LRP1: variants seen among roughly 807,000 people sequenced by gnomAD.
The protein encoded by LRP1 is LDL receptor related protein 1.
In LRP1, 51 loss-of-function variants were observed where a neutral mutation model predicts 541.5. The observed-to-expected ratio is 0.09, with a 90% CI of 0.08 to 0.12. The LOEUF (loss-of-function observed/expected upper bound fraction) is 0.12. Ranked by LOEUF, LRP1 falls within the 10% of genes least tolerant of loss-of-function variation. LRP1 has a pLI of 1.00. For synonymous variants in LRP1, 2,219 were observed against 2,470.8 expected, an observed-to-expected ratio of 0.90 and a Z score of 3.02; for missense variants, 3,878 against 6,376.2, an observed-to-expected ratio of 0.61 and a Z score of 13.34.
In LRP1 at chr12:57,173,748, G is replaced by T; in HGVS notation, c.3347-32G>T. ...GGGCAGGGGGAGCCCCAGTCCCCGG[G>T]CCTGGGCCCTCATAGTGCACCTGTC... On this transcript the variant is annotated intron_variant, in intron 21 of 88. Transcript: ENST00000243077. The surrounding 1 kb of genome is among the most constrained non-coding windows in gnomAD (Gnocchi z 4.7). 1 of 1,611,982 alleles carries T rather than the reference G, an allele frequency of 6.2e-7. No individual in the cohort carries two copies. The highest frequency in any genetic ancestry group is 1.3e-5 in the African/African-American group (1 of 75,014).
intron 20 of LRP1, among the ~76,000 whole-genome samples, chr12:57,172,199 GTC>G (rs2035959671): frequency 6.7e-6 from 1 of 150,310 alleles, no homozygotes; most frequent in South Asian, 2.1e-4. Flanking sequence ...TTGAGATGGA[GTC>G]TCTCTGTCGC....
At chr12:57,151,833 G>T (rs1197160853) in intron 6 of LRP1, among the ~76,000 whole-genome samples, 1 of 152,242 alleles carries the variant, frequency 6.6e-6, no homozygotes, top group Non-Finnish European at 1.5e-5. Flanking sequence ...GTGTGGTGGG[G>T]CAGGCAGAGG....
chr12:57,211,177 G>A lies in LRP1; in HGVS notation c.12918G>A (p.Arg4306=), dbSNP rs1307963673. Reference sequence around the variant, plus strand: ...ACTTCTCTCCCTCCCCAACCACAGGGCAGTGCTCTGGCTACTGTGAGAACT... The same window carrying A: ...ACTTCTCTCCCTCCCCAACCACAGGACAGTGCTCTGGCTACTGTGAGAACT... ...PGFLGDRCQY[R]QCSGYCENFG... The change falls in exon 84 of 89, where the codon CGG becomes CGA. Residue 4306 remains arginine, a splice_region_variant and synonymous_variant. Transcript: ENST00000243077. This position sits in a 1 kb window ranked among gnomAD's most constrained non-coding sequence, Gnocchi z 4.3. 3 of 1,614,096 alleles carry A rather than the reference G, an allele frequency of 1.9e-6. No homozygotes were observed. Among genetic ancestry groups the A allele is most frequent in the East Asian group, 4.5e-5 (2 of 44,888 alleles).
intron 79 of LRP1, 65 bp from the exon 80 acceptor site, chr12:57,209,627 C>T: frequency 1.4e-6 from 2 of 1,405,330 alleles, no homozygotes; most frequent in African/African-American, 1.4e-5. Context: ...GTGCCAGTGT[C>T]GTGGACAGCA....
rs922670055 is a variant in LRP1, at chr12:57,179,102, T to G, written c.4738+81T>G. 1.3e-6 allele frequency: 2 copies of G among 1,540,628 alleles called. No individual in the cohort carries two copies. The highest frequency in any genetic ancestry group is 1.4e-5 in the African/African-American group (1 of 72,588). On this transcript the variant is annotated intron_variant, in intron 28 of 88. Coordinates refer to ENST00000243077, the MANE Select transcript of LRP1 (RefSeq NM_002332.3). This position sits in a 1 kb window ranked among gnomAD's most constrained non-coding sequence, Gnocchi z 6.8. ...AGGCCCCAGGATCCCGGTTGTCAGCTAAGGCAGAGTCCCAGTCGGGAGGGT... is the reference window on the plus strand; with the variant it reads ...AGGCCCCAGGATCCCGGTTGTCAGCGAAGGCAGAGTCCCAGTCGGGAGGGT...
Position 57,180,421 on chromosome 12 carries a change from G to C in LRP1, c.5328G>C (p.Leu1776=). Reference sequence around the variant, plus strand: ...GCTGCAACCTGGATGGGAGTGGGCTGGAGGTCATCGATGCCATGCGGAGCC... The same window carrying C: ...GCTGCAACCTGGATGGGAGTGGGCTCGAGGTCATCGATGCCATGCGGAGCC... ...INRCNLDGSG[L]EVIDAMRSQL... Residue 1776 remains leucine (L), a synonymous_variant, in exon 32 of 89, where the codon CTG becomes CTC. Transcript: ENST00000243077. The C allele has an allele frequency of 6.2e-7, 1 of 1,614,172 alleles. No individual in the cohort carries two copies. Among genetic ancestry groups the C allele is most frequent in the Non-Finnish European group, 8.5e-7 (1 of 1,180,048 alleles).
rs772957583 is a variant in LRP1, at chr12:57,129,000, G to C, written c.36G>C (p.Leu12=). ...LTPPLLLLLP[L]LSALVAAAID... is the part of the protein sequence containing the mutation. ...CGCCGTTGCTCCTGCTGCTGCCCCT[G>C]CTCTCAGCTCTGGTCGCGGCGGCTA... The change falls in exon 1 of 89, where the codon CTG becomes CTC. Residue 12 remains leucine, a synonymous_variant. Transcript: ENST00000243077. The C allele has an allele frequency of 1.3e-6, 2 of 1,551,386 alleles. No homozygotes were observed. Among genetic ancestry groups the C allele is most frequent in the South Asian group, 1.2e-5 (1 of 84,048 alleles).
chr12:57,177,675 G>A lies in LRP1; in HGVS notation c.4361+84G>A. The A allele has an allele frequency of 1.4e-6, 2 of 1,469,764 alleles. No individual in the cohort carries two copies. The highest frequency in any genetic ancestry group is 9.3e-7 in the Non-Finnish European group (1 of 1,071,554). The allele number at this position is 1,469,764 out of a possible 1,614,324, so 91.0% of individuals were successfully genotyped here. On this transcript the variant is annotated intron_variant, in intron 26 of 88. Transcript: ENST00000243077. The surrounding 1 kb of genome is among the most constrained non-coding windows in gnomAD (Gnocchi z 6.8). ...AGGAACCTGTGGTGATGAGGGTGAT[G>A]AGAAGGACCAAGGGATCTAGAACTA... is the stretch of plus-strand genomic sequence containing the variant.
At position 57,198,683 on chromosome 12, in the gene LRP1, G is replaced by A. The variant is rs764619432; in HGVS notation, c.9676+13G>A. On this transcript the variant is annotated intron_variant, in intron 60 of 88. Transcript: ENST00000243077. Reference sequence around the variant, plus strand: ...AATCGCCACGTTGGTCAGTGTGCCAGTGAGGCTGTCCAGGCACAGCAGACT... The same window carrying A: ...AATCGCCACGTTGGTCAGTGTGCCAATGAGGCTGTCCAGGCACAGCAGACT... 2 of 1,598,946 alleles carry A rather than the reference G, an allele frequency of 1.3e-6. No individual in the cohort carries two copies. The highest frequency in any genetic ancestry group is 2.3e-5 in the South Asian group (2 of 88,860).
At chr12:57,146,928 G>A (rs540326166) in intron 6 of LRP1, among the ~76,000 whole-genome samples, 30 of 151,934 alleles carry the variant, frequency 2.0e-4, no homozygotes, top group Non-Finnish European at 2.9e-4. Flanking sequence ...CAGCTTGTCA[G>A]TTTCCTCCCC....
Position 57,209,147 on chromosome 12 carries a change from C to T in LRP1, c.12210C>T (p.Gly4070=). ...CAGACGCCAAGCTTTCAGTCATCGGCAGCATCCGGCTCAATGGCACGGACC... is the reference window on the plus strand; with the variant it reads ...CAGACGCCAAGCTTTCAGTCATCGGTAGCATCCGGCTCAATGGCACGGACC... ...YWADAKLSVI[G]SIRLNGTDPI... is the part of the protein sequence containing the mutation. Residue 4070 remains glycine, a synonymous_variant, in exon 79 of 89, where the codon GGC becomes GGT. Coordinates refer to ENST00000243077, the MANE Select transcript of LRP1 (RefSeq NM_002332.3). 1 of 1,614,164 alleles carries T rather than the reference C, an allele frequency of 6.2e-7. No homozygotes were observed. The highest frequency in any genetic ancestry group is 1.1e-5 in the South Asian group (1 of 91,084).
intron 12 of LRP1, 137 bp downstream of exon 12, chr12:57,160,142 G>T (rs1441060011): frequency 3.9e-6 from 3 of 779,078 alleles, no homozygotes; most frequent in South Asian, 1.8e-5. Context: ...TCTGCAAGGG[G>T]AGAAGGAGTC....
intron 20 of LRP1, among the ~76,000 whole-genome samples, chr12:57,172,887 A>G (rs1415197632): frequency 1.3e-5 from 2 of 152,182 alleles, no homozygotes; most frequent in East Asian, 3.9e-4. Flanking sequence ...GGAGGTGGGC[A>G]TTTGGGCTCA....
In LRP1 at chr12:57,172,062, C is replaced by CT. The variant is rs57732385; in HGVS notation, c.3164-1091dup. On this transcript the variant is annotated intron_variant, in intron 20 of 88. Coordinates refer to ENST00000243077, the MANE Select transcript of LRP1 (RefSeq NM_002332.3). ...CTCCAGCTGTGGCGTTTTCTTTTTT[C>CT]TTTTTTTTTTTTTTTGAGATGGAGT... is the stretch of plus-strand genomic sequence containing the variant. 3.9e-3 allele frequency among the ~76,000 whole-genome samples: 489 copies of CT among 126,794 alleles called. 4 individuals are homozygous for CT. Among genetic ancestry groups the CT allele is most frequent in the African/African-American group, 0.011 (370 of 34,494 alleles). 83.2% of individuals were successfully genotyped at this position (126,794 alleles called of 152,430 possible).
chr12:57,193,052 C>G, intron 45 of LRP1, 82 bp downstream of exon 45: 1 of 1,583,938 alleles, frequency 6.3e-7, no homozygotes, highest in Non-Finnish European at 8.6e-7. Context: ...CATGCTCCAG[C>G]CCAGCCCCCC....
Position 57,162,733 on chromosome 12 carries a change from A to T in LRP1, c.2405-125A>T. 1.7e-6 allele frequency: 2 copies of T among 1,148,346 alleles called. No individual in the cohort carries two copies. The highest frequency in any genetic ancestry group is 2.5e-6 in the Non-Finnish European group (2 of 812,442). The allele number at this position is 1,148,346 out of a possible 1,614,324, so 71.1% of individuals were successfully genotyped here. Reference sequence around the variant, plus strand: ...TCTGTGTCTCCTGTTCTTCAACATGATCTTCTTCCTCTCCATATTTCCTCT... The same window carrying T: ...TCTGTGTCTCCTGTTCTTCAACATGTTCTTCTTCCTCTCCATATTTCCTCT... On this transcript the variant is annotated intron_variant, in intron 14 of 88. Coordinates refer to ENST00000243077, the MANE Select transcript of LRP1 (RefSeq NM_002332.3). This position sits in a 1 kb window ranked among gnomAD's most constrained non-coding sequence, Gnocchi z 5.2.
chr12:57,154,979 A>T lies in LRP1; in HGVS notation c.1227+278A>T. 1.7e-6 allele frequency: 1 copy of T among 592,266 alleles called. No homozygotes were observed. The highest frequency in any genetic ancestry group is 2.8e-5 in the East Asian group (1 of 36,162). 36.7% of individuals were successfully genotyped at this position (592,266 alleles called of 1,614,324 possible). On this transcript the variant is annotated intron_variant, in intron 8 of 88. Coordinates refer to ENST00000243077, the MANE Select transcript of LRP1 (RefSeq NM_002332.3). The surrounding 1 kb of genome is among the most constrained non-coding windows in gnomAD (Gnocchi z 4.6). ...AATAACCCCTAGCTGATGAACAGGG[A>T]GGTGGTTCAGTTCCCTTTCAGCAGA...
chr12:57,132,782 A>C (rs938007184), intron 1 of LRP1, among the ~76,000 whole-genome samples: 1 of 151,772 alleles, frequency 6.6e-6, no homozygotes, highest in African/African-American at 2.4e-5. Flanking sequence ...GCCTGTCTCC[A>C]TTTACCCCCA....
chr12:57,176,494 C>T (rs2036049800), intron 24 of LRP1, among the ~76,000 whole-genome samples: 1 of 152,208 alleles, frequency 6.6e-6, no homozygotes, highest in Non-Finnish European at 1.5e-5. Context: ...ACTGTACACA[C>T]TGGGCAGTGG....
Sources: allele counts gnomAD v4.1 joint callset (sites outside exome capture counted in the v4.1 genomes callset), GRCh38; gene constraint gnomAD v4.1.1; non-coding constraint Gnocchi (gnomAD v3.1); transcripts MANE v1.5; gene names NCBI Gene and HGNC (gene_info 2026-07-23, HGNC 2026-07-21).